The following RFX4 variants were observed in gnomAD, a reference collection of about 807,000 sequenced individuals.
The protein encoded by RFX4 is regulatory factor X4, also known as transcription factor RFX4.
RFX4 carries 10 observed loss-of-function variants against 95.0 expected under a neutral mutation model. That is an observed-to-expected ratio of 0.11 (90% CI 0.06 to 0.18). The LOEUF is 0.18. Among genes scored for constraint, RFX4 ranks in the 10% least tolerant of loss-of-function variants. The pLI is 1.00. For missense variants in RFX4, 640 were observed against 922.0 expected (o/e 0.69, Z 3.96); for synonymous variants, 321 against 340.7 (o/e 0.94, Z 0.64).
intron 4 of RFX4, among the ~76,000 whole-genome samples, chr12:106,659,566 C>T (rs1029894165): frequency 3.3e-5 from 5 of 152,158 alleles, no homozygotes; most frequent in African/African-American, 9.7e-5. Context: ...AGTTTTCATA[C>T]GATTAAAGAG....
At chr12:106,716,634 C>T (rs117358976) in intron 11 of RFX4, among the ~76,000 whole-genome samples, 1 of 152,224 alleles carries the variant, frequency 6.6e-6, no homozygotes, top group East Asian at 1.9e-4. Flanking sequence ...TTAGCCCAAA[C>T]CTCACTCAGG....
At chr12:106,655,347 T>C (rs2040935794) in intron 4 of RFX4, among the ~76,000 whole-genome samples, 1 of 152,194 alleles carries the variant, frequency 6.6e-6, no homozygotes, top group East Asian at 1.9e-4. Flanking sequence ...GTGAAAGGGA[T>C]GTTTTTTTAA....
At chr12:106,595,089 A>G (rs941985506) in intron 1 of RFX4, among the ~76,000 whole-genome samples, 9 of 152,340 alleles carry the variant, frequency 5.9e-5, no homozygotes, top group Middle Eastern at 3.4e-3. Flanking sequence ...ACTGTGCTGA[A>G]CACTTATGCA....
rs755431619 is a variant in RFX4, at chr12:106,689,276, C to T, written c.592-11C>T. ...ATGTCTTTGTTGTTGATCCTCTACA[C>T]ACCCCCACAGGTTTCTACCTTTATT... On this transcript the variant is annotated splice_polypyrimidine_tract_variant and intron_variant, in intron 6 of 17. Transcript: ENST00000392842. The T allele has an allele frequency of 1.9e-6, 3 of 1,606,742 alleles. No individual in the cohort carries two copies. The highest frequency in any genetic ancestry group is 2.2e-5 in the South Asian group (2 of 90,934).
intron 8 of RFX4, among the ~76,000 whole-genome samples, chr12:106,704,174 T>A (rs2042041759): frequency 6.6e-6 from 1 of 151,814 alleles, no homozygotes; most frequent in Non-Finnish European, 1.5e-5. Context: ...ACCACAATAT[T>A]CATTCATTCA....
chr12:106,705,443 G>A (rs1489649192), intron 8 of RFX4, among the ~76,000 whole-genome samples: 1 of 152,226 alleles, frequency 6.6e-6, no homozygotes, highest in Admixed American at 6.5e-5. Flanking sequence ...GGAAAGAGGT[G>A]GAGGGAAAGC....
intron 1 of RFX4, chr12:106,601,323 G>A: frequency 6.3e-7 from 1 of 1,590,934 alleles, no homozygotes; most frequent in Non-Finnish European, 8.6e-7. Flanking sequence ...GACAGGACCA[G>A]GCCTCGACGG....
chr12:106,714,604 T>C (rs1229312080), intron 10 of RFX4, among the ~76,000 whole-genome samples: 2 of 152,196 alleles, frequency 1.3e-5, no homozygotes, highest in Admixed American at 1.3e-4. Flanking sequence ...GAAATGATCC[T>C]AGATACATAT....
chr12:106,679,515 C>T (rs2041464550), intron 4 of RFX4, among the ~76,000 whole-genome samples: 1 of 151,712 alleles, frequency 6.6e-6, no homozygotes, highest in African/African-American at 2.4e-5. Context: ...CCATTTGTAT[C>T]GGAGAAATTT....
rs115307053 is a variant in RFX4, at chr12:106,646,021, A to T, written c.191+6629A>T. On this transcript the variant is annotated intron_variant, in intron 3 of 17. Coordinates refer to ENST00000392842, the MANE Select transcript of RFX4 (RefSeq NM_213594.3). ...GTGTTGTGGAACCACAACTTTTTTT[A>T]AAAAAAGTATTTTGTGCTGTGGGTA... is the stretch of plus-strand genomic sequence containing the variant. 1,139 of 1,119,562 alleles carry T rather than the reference A, an allele frequency of 1.0e-3. 5 individuals are homozygous for T. The African/African-American group carries it at 0.013, about 13-fold the overall frequency. The allele number at this position is 1,119,562 out of a possible 1,614,324, so 69.4% of individuals were successfully genotyped here.
chr12:106,729,083 T>A (rs916298303), intron 13 of RFX4, among the ~76,000 whole-genome samples: 5 of 152,218 alleles, frequency 3.3e-5, no homozygotes, highest in Non-Finnish European at 7.3e-5. Context: ...CTTCACCTCA[T>A]CAGATCTTTG....
At position 106,620,796 on chromosome 12, in the gene RFX4, A is replaced by C. The variant is rs1592859074; in HGVS notation, c.130+11913A>C. Among the ~76,000 whole-genome samples the C allele has an allele frequency of 1.3e-5, 2 of 152,148 alleles. 1 individual carries two copies. Among genetic ancestry groups the C allele is most frequent in the East Asian group, 3.9e-4 (2 of 5,170 alleles). On this transcript the variant is annotated intron_variant, in intron 2 of 17. Coordinates refer to ENST00000392842, the MANE Select transcript of RFX4 (RefSeq NM_213594.3). ...GCATATCTCAGTCCTTATCTCAACCACATAAGACAGACACTCCCAGAGCGG... is the reference window on the plus strand; with the variant it reads ...GCATATCTCAGTCCTTATCTCAACCCCATAAGACAGACACTCCCAGAGCGG...
intron 2 of RFX4, among the ~76,000 whole-genome samples, chr12:106,622,528 A>G (rs1343927254): frequency 6.6e-6 from 1 of 152,050 alleles, no homozygotes; most frequent in Non-Finnish European, 1.5e-5. Context: ...GAGGTGGCTT[A>G]TGATTATGAG....
chr12:106,703,073 TG>T (rs1459448720), intron 8 of RFX4, among the ~76,000 whole-genome samples: 3 of 152,308 alleles, frequency 2.0e-5, no homozygotes, highest in African/African-American at 7.2e-5. Context: ...TTGTTAAAAG[TG>T]TTAGCAAAAT....
At chr12:106,641,753 G>A (rs765817017) in intron 3 of RFX4, among the ~76,000 whole-genome samples, 1 of 151,910 alleles carries the variant, frequency 6.6e-6, no homozygotes, top group East Asian at 1.9e-4. Flanking sequence ...GAACATTAAC[G>A]TTTGCTCTAA....
chr12:106,683,939 T>A (rs1261125328), intron 5 of RFX4, among the ~76,000 whole-genome samples: 1 of 152,190 alleles, frequency 6.6e-6, no homozygotes, highest in Non-Finnish European at 1.5e-5. Flanking sequence ...TTTTATTGTA[T>A]CCTCTTCCAT....
chr12:106,677,643 A>G (rs1207154290), intron 4 of RFX4, among the ~76,000 whole-genome samples: 1 of 152,156 alleles, frequency 6.6e-6, no homozygotes, highest in Non-Finnish European at 1.5e-5. Context: ...CAGGAATTCA[A>G]GGCTGCAGTG....
chr12:106,668,743 T>C (rs2041224959), intron 4 of RFX4, among the ~76,000 whole-genome samples: 1 of 152,132 alleles, frequency 6.6e-6, no homozygotes, highest in Admixed American at 6.6e-5. Context: ...AACTATGAAA[T>C]GGAACTCAGG....
chr12:106,622,420 A>G (rs1420539822), intron 2 of RFX4, among the ~76,000 whole-genome samples: 1 of 151,942 alleles, frequency 6.6e-6, no homozygotes, highest in Non-Finnish European at 1.5e-5. Context: ...GTATATATGT[A>G]TATATTTATA....
Sources: gnomAD v4.1 joint callset for allele counts (sites outside exome capture counted in the v4.1 genomes callset) on GRCh38, gnomAD v4.1.1 for gene constraint, MANE v1.5 for transcripts, NCBI Gene and HGNC (gene_info 2026-07-23, HGNC 2026-07-21) for gene names.